SKA2: variants seen among roughly 807,000 people sequenced by gnomAD.
The protein encoded by SKA2 is spindle and kinetochore associated complex subunit 2.
In SKA2, 13 loss-of-function variants were observed where a neutral mutation model predicts 16.9. The ratio of observed to expected loss-of-function variants is 0.77; its 90% CI spans 0.50 to 1.22. The LOEUF is 1.22. Among genes scored for constraint, SKA2 ranks in the 50% most tolerant of loss-of-function variants. The pLI is 0.00. For synonymous variants in SKA2, 47 were observed against 48.5 expected (o/e 0.97, Z 0.13); for missense variants, 107 against 139.7 (o/e 0.77, Z 1.18).
chr17:59,139,290 G>A lies in SKA2; in HGVS notation c.34-7923C>T, dbSNP rs116323125. 8.0e-3 allele frequency among the ~76,000 whole-genome samples: 1,214 copies of A among 151,664 alleles called. 18 individuals are homozygous for A. The highest frequency in any genetic ancestry group is 0.027 in the African/African-American group (1,131 of 41,376). ...TGGATGCCTATAGTTCCAGATACTC[G>A]GGAGGCTGGAGCAGGAGAATGGCAT... On this transcript the variant is annotated intron_variant, in intron 1 of 3. Transcript: ENST00000330137.
intron 3 of SKA2, among the ~76,000 whole-genome samples, chr17:59,115,460 T>C (rs901188667): frequency 6.6e-6 from 1 of 152,202 alleles, no homozygotes; most frequent in African/African-American, 2.4e-5. Context: ...CTGGTTCCAC[T>C]GATCAACATT....
rs566006339 is a variant in SKA2 at position 59,153,973 on chromosome 17, T to G, written c.33+1158A>C. 2.0e-5 allele frequency among the ~76,000 whole-genome samples: 3 copies of G among 151,538 alleles called. No individual in the cohort carries two copies. The South Asian group carries it at 6.3e-4, about 32-fold the overall frequency. ...TTTTAGTATAGACGGAGTTTCACCA[T>G]GTTGGCCAGGGTAGTCTCAATGTCT... On this transcript the variant is annotated intron_variant, in intron 1 of 3. Coordinates refer to ENST00000330137, the MANE Select transcript of SKA2 (RefSeq NM_182620.4).
intron 3 of SKA2, among the ~76,000 whole-genome samples, chr17:59,115,729 G>A (rs764818682): frequency 3.9e-5 from 6 of 152,062 alleles, no homozygotes; most frequent in African/African-American, 7.2e-5. Flanking sequence ...AAGTAGCTGC[G>A]ACTACAGGTG....
At chr17:59,122,203 G>T (rs1358194676) in intron 2 of SKA2, among the ~76,000 whole-genome samples, 2 of 152,194 alleles carry the variant, frequency 1.3e-5, no homozygotes, top group Admixed American at 1.3e-4. Flanking sequence ...CTGGGCCATG[G>T]TGGCTCATGC....
At chr17:59,141,345 C>T (rs56372347) in intron 1 of SKA2, among the ~76,000 whole-genome samples, 1 of 151,884 alleles carries the variant, frequency 6.6e-6, no homozygotes, top group East Asian at 2.0e-4. Context: ...TGCAATGAGC[C>T]GAGATCGCAC....
At chr17:59,146,870 T>C (rs1038032013) in intron 1 of SKA2, among the ~76,000 whole-genome samples, 2 of 152,194 alleles carry the variant, frequency 1.3e-5, no homozygotes, top group East Asian at 1.9e-4. Context: ...GAGGTCTTGC[T>C]ATGTTGCCCA....
At chr17:59,154,413 A>T (rs2046604709) in intron 1 of SKA2, among the ~76,000 whole-genome samples, 1 of 151,968 alleles carries the variant, frequency 6.6e-6, no homozygotes, top group African/African-American at 2.4e-5. Flanking sequence ...AGTGCTTTCC[A>T]ATTCTTCGCC....
intron 1 of SKA2, chr17:59,154,841 C>G (rs1372742816): frequency 3.6e-6 from 4 of 1,119,188 alleles, no homozygotes; most frequent in South Asian, 1.5e-5. Flanking sequence ...CTGCACCCGG[C>G]GCAGTTTCGT....
At chr17:59,154,630 G>A (rs1421317385) in intron 1 of SKA2, among the ~76,000 whole-genome samples, 1 of 152,168 alleles carries the variant, frequency 6.6e-6, no homozygotes, top group Non-Finnish European at 1.5e-5. Flanking sequence ...TACAAGTCTA[G>A]CATCCTTTCT....
At chr17:59,118,553 G>A (rs892022593) in intron 3 of SKA2, among the ~76,000 whole-genome samples, 29 of 152,100 alleles carry the variant, frequency 1.9e-4, no homozygotes, top group African/African-American at 6.8e-4. Context: ...TGAAGAATGT[G>A]TGATTTGAGA....
intron 2 of SKA2, among the ~76,000 whole-genome samples, chr17:59,124,679 C>G (rs190476222): frequency 6.6e-6 from 1 of 152,156 alleles, no homozygotes; most frequent in African/African-American, 2.4e-5. Context: ...TTGAGGATCT[C>G]ACAAAACTAG....
intron 2 of SKA2, among the ~76,000 whole-genome samples, chr17:59,121,579 G>C (rs1779203717): frequency 6.6e-6 from 1 of 151,298 alleles, no homozygotes; most frequent in Non-Finnish European, 1.5e-5. Flanking sequence ...CTTGAGCCTG[G>C]GAGGCAGAGG....
chr17:59,141,340 T>C (rs1185349160), intron 1 of SKA2, among the ~76,000 whole-genome samples: 1 of 151,956 alleles, frequency 6.6e-6, no homozygotes, highest in African/African-American at 2.4e-5. Flanking sequence ...GAGGTTGCAA[T>C]GAGCCGAGAT....
intron 1 of SKA2, among the ~76,000 whole-genome samples, chr17:59,136,013 A>G (rs957450669): frequency 6.6e-6 from 1 of 151,648 alleles, no homozygotes; most frequent in Non-Finnish European, 1.5e-5. Flanking sequence ...TCCTGTGACT[A>G]GTCACTGCAC....
chr17:59,121,793 C>CAAAAA (rs758240217), intron 2 of SKA2, among the ~76,000 whole-genome samples: 10 of 81,170 alleles, frequency 1.2e-4, no homozygotes, highest in East Asian at 4.2e-4. Context: ...TACGAAAATA[C>CAAAAA]AAAAAAAAAA....
At chr17:59,112,739 T>C (rs1005911487) in intron 3 of SKA2, among the ~76,000 whole-genome samples, 2 of 152,156 alleles carry the variant, frequency 1.3e-5, no homozygotes, top group Non-Finnish European at 2.9e-5. Flanking sequence ...AGTATTTGCA[T>C]AGAAACTATA....
At chr17:59,155,088 G>A in intron 1 of SKA2, 43 bp downstream of exon 1, 1 of 1,613,962 alleles carries the variant, frequency 6.2e-7, no homozygotes, top group Non-Finnish European at 8.5e-7. Context: ...GGCCATGGGG[G>A]AAAAATAAAC....
intron 3 of SKA2, among the ~76,000 whole-genome samples, chr17:59,119,102 C>T (rs138343516): frequency 6.6e-6 from 1 of 152,178 alleles, no homozygotes; most frequent in Admixed American, 6.6e-5. Flanking sequence ...TTACATAATT[C>T]AAGACAGCAC....
chr17:59,143,253 G>A (rs2046506641), intron 1 of SKA2, among the ~76,000 whole-genome samples: 1 of 151,640 alleles, frequency 6.6e-6, no homozygotes, highest in African/African-American at 2.4e-5. Flanking sequence ...ACCCAGGCTG[G>A]AGTGCAGTGG....
Sources: gnomAD v4.1 joint callset for allele counts (sites outside exome capture counted in the v4.1 genomes callset) on GRCh38, gnomAD v4.1.1 for gene constraint, MANE v1.5 for transcripts, NCBI Gene and HGNC (gene_info 2026-07-23, HGNC 2026-07-21) for gene names.